DCDC1: variants seen among roughly 807,000 people sequenced by gnomAD.
The protein encoded by DCDC1 is doublecortin domain containing 1, also known as doublecortin domain-containing protein 1.
A neutral mutation model predicts 178.3 loss-of-function variants in DCDC1; 200 were observed. That is an observed-to-expected ratio of 1.12 (90% confidence interval 1.00 to 1.26). DCDC1 has a LOEUF of 1.26. Ranked by LOEUF, DCDC1 falls within the 50% of genes most tolerant of loss-of-function variation. The pLI is 0.00. For missense variants in DCDC1, 1,983 were observed against 1,749.2 expected (o/e 1.13, Z -2.38); for synonymous variants, 690 against 604.8 (o/e 1.14, Z -2.07).
chr11:31,341,637 C>T (rs1447103905), intron 1 of DCDC1, among the ~76,000 whole-genome samples: 1 of 152,044 alleles, frequency 6.6e-6, no homozygotes, highest in African/African-American at 2.4e-5. Flanking sequence ...AATTTTAACA[C>T]TATAGTAAGT....
intron 8 of DCDC1, among the ~76,000 whole-genome samples, chr11:31,264,325 G>A (rs1393861051): frequency 6.6e-6 from 1 of 152,148 alleles, no homozygotes; most frequent in African/African-American, 2.4e-5. Context: ...CTGGTAGGAA[G>A]GGTGCATACA....
In DCDC1 at chr11:31,264,002, A is replaced by G. The variant is rs920844725; in HGVS notation, c.1054+1505T>C. Among the ~76,000 whole-genome samples the G allele has an allele frequency of 5.3e-5, 8 of 152,238 alleles. No individual in the cohort carries two copies. In the East Asian group the frequency reaches 1.2e-3, roughly 22 times the overall value. On this transcript the variant is annotated intron_variant, in intron 8 of 38. Transcript: ENST00000684477. ...GGATATCTAATCTCTTTTGACAAAGACAATGAAATTACTTTAAAGTACATT... is the reference window on the plus strand; with the variant it reads ...GGATATCTAATCTCTTTTGACAAAGGCAATGAAATTACTTTAAAGTACATT...
chr11:30,879,399 ATTAC>A, intron 37 of DCDC1, among the ~76,000 whole-genome samples: 1 of 152,276 alleles, frequency 6.6e-6, no homozygotes, highest in African/African-American at 2.4e-5. Flanking sequence ...ATAAATGAGT[ATTAC>A]TTACTTAATG....
intron 20 of DCDC1, among the ~76,000 whole-genome samples, chr11:31,053,567 G>C (rs1955401959): frequency 6.6e-6 from 1 of 152,050 alleles, no homozygotes; most frequent in South Asian, 2.1e-4. Flanking sequence ...GAACATAGAT[G>C]CTAAAATCCT....
intron 27 of DCDC1, among the ~76,000 whole-genome samples, chr11:30,912,059 T>C (rs899469184): frequency 3.9e-5 from 6 of 152,096 alleles, no homozygotes; most frequent in Admixed American, 3.9e-4. Flanking sequence ...TAGGTCATAA[T>C]GGGAGTGAAA....
intron 3 of DCDC1, among the ~76,000 whole-genome samples, chr11:31,309,888 CTG>C (rs1948668178): frequency 6.6e-6 from 1 of 152,074 alleles, no homozygotes; most frequent in Admixed American, 6.6e-5. Context: ...GCTCTATGCT[CTG>C]TATGGATTTT....
intron 21 of DCDC1, among the ~76,000 whole-genome samples, chr11:30,939,663 T>A (rs1947504612): frequency 6.6e-6 from 1 of 152,174 alleles, no homozygotes; most frequent in African/African-American, 2.4e-5. Context: ...ATAATGAAAC[T>A]TTCTTCTCTT....
At chr11:31,213,098 A>ACCCTGCCT (rs1972839792) in intron 9 of DCDC1, among the ~76,000 whole-genome samples, 1 of 47,602 alleles carries the variant, frequency 2.1e-5, no homozygotes, top group African/African-American at 9.1e-5. Context: ...TATAAAGCCC[A>ACCCTGCCT]GCCTCTCTCT....
chr11:31,033,468 G>A (rs1214866381), intron 20 of DCDC1, among the ~76,000 whole-genome samples: 1 of 151,896 alleles, frequency 6.6e-6, no homozygotes, highest in Non-Finnish European at 1.5e-5. Context: ...CTGTAAGAAA[G>A]AGTTGTTTCT....
chr11:30,979,136 G>A (rs945992248), intron 20 of DCDC1, among the ~76,000 whole-genome samples: 1 of 122,516 alleles, frequency 8.2e-6, no homozygotes, highest in Admixed American at 9.2e-5. Flanking sequence ...CAAGAAGGCT[G>A]ACTAGAAGCA....
intron 6 of DCDC1, among the ~76,000 whole-genome samples, chr11:31,292,459 T>C (rs1004643731): frequency 1.3e-5 from 2 of 152,222 alleles, no homozygotes; most frequent in Non-Finnish European, 2.9e-5. Context: ...TACTGATACT[T>C]GCTAAAAAAT....
intron 11 of DCDC1, among the ~76,000 whole-genome samples, chr11:31,118,215 G>A (rs1960258783): frequency 6.6e-6 from 1 of 151,890 alleles, no homozygotes; most frequent in Admixed American, 6.6e-5. Context: ...AAGAGTGTAT[G>A]CTTTTACTGC....
intron 34 of DCDC1, among the ~76,000 whole-genome samples, chr11:30,899,140 CA>C (rs796228482): frequency 3.2e-4 from 46 of 142,380 alleles, no homozygotes; most frequent in South Asian, 6.7e-4. Flanking sequence ...AACAAAAAAA[CA>C]AAAAAAAAAA....
rs181143834 is a variant in DCDC1 at position 31,029,801 on chromosome 11, T to A, written c.2591+34668A>T. ...GTTAACTTTCAATGAGGTTTTGTCT[T>A]ATATATTTTAAAAGAATACATTATT... On this transcript the variant is annotated intron_variant, in intron 20 of 38. Transcript: ENST00000684477. 2.1e-3 allele frequency among the ~76,000 whole-genome samples: 320 copies of A among 152,290 alleles called. 1 individual carries two copies. The highest frequency in any genetic ancestry group is 6.8e-3 in the African/African-American group (281 of 41,582).
intron 21 of DCDC1, among the ~76,000 whole-genome samples, chr11:30,952,026 G>A (rs1948455253): frequency 6.6e-6 from 1 of 152,080 alleles, no homozygotes; most frequent in Admixed American, 6.6e-5. Flanking sequence ...ACACAGAAAG[G>A]AAAGGGTGGA....
At chr11:31,154,906 TG>T (rs1242580250) in intron 9 of DCDC1, among the ~76,000 whole-genome samples, 1 of 152,214 alleles carries the variant, frequency 6.6e-6, no homozygotes, top group Non-Finnish European at 1.5e-5. Context: ...CCCTACTACG[TG>T]GTTCTTCTTC....
In DCDC1 at chr11:31,341,426, G is replaced by C. The variant is rs79211860; in HGVS notation, c.-124-5862C>G. 5.6e-3 allele frequency among the ~76,000 whole-genome samples: 847 copies of C among 151,330 alleles called. 8 individuals carry two copies. Among genetic ancestry groups the C allele is most frequent in the Middle Eastern group, 0.01 (3 of 294 alleles). On this transcript the variant is annotated intron_variant, in intron 1 of 38. Coordinates refer to ENST00000684477, the MANE Select transcript of DCDC1 (RefSeq NM_001387274.1). ...AGATAGATAGATAGATAGATAGATA[G>C]ATAGATAGATAGACATGTGTTGCTT...
At chr11:31,043,696 G>A (rs1279123712) in intron 20 of DCDC1, among the ~76,000 whole-genome samples, 3 of 151,938 alleles carry the variant, frequency 2.0e-5, no homozygotes, top group Non-Finnish European at 2.9e-5. Context: ...CCTCCCTTCT[G>A]TCACCTCCCA....
At chr11:30,930,612 C>T (rs1309095675) in intron 22 of DCDC1, among the ~76,000 whole-genome samples, 1 of 152,136 alleles carries the variant, frequency 6.6e-6, no homozygotes, top group East Asian at 1.9e-4. Flanking sequence ...TCCAAATTTA[C>T]CATTTCAATC....
Sources: gnomAD v4.1 joint callset for allele counts (sites outside exome capture counted in the v4.1 genomes callset) on GRCh38, gnomAD v4.1.1 for gene constraint, MANE v1.5 for transcripts, NCBI Gene and HGNC (gene_info 2026-07-23, HGNC 2026-07-21) for gene names.